PHACTR1: variants seen among roughly 807,000 people sequenced by gnomAD.
PHACTR1 encodes phosphatase and actin regulator 1, also known as RPEL repeat containing 1.
Under a neutral mutation model 69.2 loss-of-function variants are expected in PHACTR1, and 16 were observed. The ratio of observed to expected loss-of-function variants is 0.23; its 90% CI spans 0.16 to 0.35. The LOEUF (loss-of-function observed/expected upper bound fraction) is 0.35. PHACTR1 is among the 10% of genes least tolerant of loss of function. The pLI is 1.00. For synonymous variants in PHACTR1, 312 were observed against 284.5 expected, an observed-to-expected ratio of 1.10 and a Z score of -0.97; for missense variants, 510 against 734.7, an observed-to-expected ratio of 0.69 and a Z score of 3.54.
At chr6:12,941,137 C>T (rs766419179) in intron 4 of PHACTR1, among the ~76,000 whole-genome samples, 3 of 152,128 alleles carry the variant, frequency 2.0e-5, no homozygotes, top group Admixed American at 6.5e-5. Flanking sequence ...GCACTCCACT[C>T]ACCTTTGTAG....
At chr6:12,956,028 T>G (rs2127559136) in intron 4 of PHACTR1, among the ~76,000 whole-genome samples, 1 of 152,298 alleles carries the variant, frequency 6.6e-6, no homozygotes, top group Admixed American at 6.5e-5. Context: ...CTAACATTAC[T>G]TACAATAGTG....
chr6:12,973,107 CA>C (rs1794434553), intron 4 of PHACTR1, among the ~76,000 whole-genome samples: 1 of 152,118 alleles, frequency 6.6e-6, no homozygotes, highest in Non-Finnish European at 1.5e-5. Context: ...ATTACAGCTG[CA>C]AAGTCCTTCT....
At chr6:12,835,714 A>G (rs193271610) in intron 4 of PHACTR1, among the ~76,000 whole-genome samples, 23 of 152,268 alleles carry the variant, frequency 1.5e-4, no homozygotes, top group African/African-American at 5.5e-4. Flanking sequence ...TATGTTATCA[A>G]CACCCTTTAA....
At chr6:12,821,907 C>A (rs796363514) in intron 4 of PHACTR1, among the ~76,000 whole-genome samples, 1 of 152,280 alleles carries the variant, frequency 6.6e-6, no homozygotes, top group East Asian at 1.9e-4. Context: ...GGCTTGACTG[C>A]GTCTTTGTAC....
intron 4 of PHACTR1, among the ~76,000 whole-genome samples, chr6:12,875,680 T>C (rs556532289): frequency 1.6e-4 from 25 of 152,366 alleles, no homozygotes; most frequent in African/African-American, 6.0e-4. Context: ...ATCACTATTG[T>C]GGAGATTTGT....
chr6:12,814,971 A>C (rs1444288172), intron 4 of PHACTR1, among the ~76,000 whole-genome samples: 1 of 152,194 alleles, frequency 6.6e-6, no homozygotes, highest in Admixed American at 6.5e-5. Context: ...AATGAAGACT[A>C]ATTTTGAGCT....
chr6:13,248,481 A>G (rs886314852), intron 10 of PHACTR1, among the ~76,000 whole-genome samples: 12 of 152,202 alleles, frequency 7.9e-5, no homozygotes, highest in Non-Finnish European at 1.8e-4. Context: ...ATAAAATTCT[A>G]TGGAACATGT....
intron 4 of PHACTR1, among the ~76,000 whole-genome samples, chr6:13,039,936 G>A (rs1803897694): frequency 6.6e-6 from 1 of 152,102 alleles, no homozygotes; most frequent in South Asian, 2.1e-4. Context: ...TGATGCTTTT[G>A]CATTAAATAA....
chr6:13,207,574 A>G (rs1357913268), intron 8 of PHACTR1, among the ~76,000 whole-genome samples: 2 of 151,932 alleles, frequency 1.3e-5, no homozygotes, highest in Non-Finnish European at 1.5e-5. Flanking sequence ...TTGATTGTGT[A>G]TACACACATG....
At chr6:13,083,886 T>G (rs1206907989) in intron 5 of PHACTR1, among the ~76,000 whole-genome samples, 2 of 152,180 alleles carry the variant, frequency 1.3e-5, no homozygotes, top group Non-Finnish European at 2.9e-5. Context: ...TCATGTCATC[T>G]GCAAACAGGG....
intron 5 of PHACTR1, among the ~76,000 whole-genome samples, chr6:13,064,824 C>T (rs1188431682): frequency 6.6e-6 from 1 of 150,624 alleles, no homozygotes; most frequent in Non-Finnish European, 1.5e-5. Context: ...TCAAGGAACG[C>T]AAAAAGTCAA....
At chr6:13,216,704 T>C (rs1562010027) in intron 8 of PHACTR1, among the ~76,000 whole-genome samples, 1 of 152,210 alleles carries the variant, frequency 6.6e-6, no homozygotes, top group Admixed American at 6.5e-5. Context: ...ATATTTATCA[T>C]CTTTAATTGC....
intron 5 of PHACTR1, among the ~76,000 whole-genome samples, chr6:13,157,982 A>G (rs150448759): frequency 6.6e-6 from 1 of 152,134 alleles, no homozygotes; most frequent in African/African-American, 2.4e-5. Flanking sequence ...CCCGGGTTCA[A>G]GCAATCCTCC....
At chr6:12,836,350 T>C (rs184296417) in intron 4 of PHACTR1, among the ~76,000 whole-genome samples, 1 of 152,322 alleles carries the variant, frequency 6.6e-6, no homozygotes, top group Admixed American at 6.5e-5. Context: ...TTACCTGAAT[T>C]CTTTTGGTGG....
chr6:13,189,957 C>T (rs1763296006), intron 7 of PHACTR1, among the ~76,000 whole-genome samples: 2 of 151,150 alleles, frequency 1.3e-5, no homozygotes, highest in South Asian at 4.2e-4. Context: ...GGCTTGTAGA[C>T]AGCTCCCTTC....
At chr6:12,950,114 G>T (rs1791117228) in intron 4 of PHACTR1, among the ~76,000 whole-genome samples, 1 of 152,206 alleles carries the variant, frequency 6.6e-6, no homozygotes, top group Admixed American at 6.5e-5. Flanking sequence ...GGATTTGGGA[G>T]GACTCACCTG....
At chr6:12,792,142 A>G (rs1772360999) in intron 4 of PHACTR1, among the ~76,000 whole-genome samples, 1 of 152,166 alleles carries the variant, frequency 6.6e-6, no homozygotes, top group Non-Finnish European at 1.5e-5. Context: ...TTATATATCA[A>G]TGCAATTGCA....
At chr6:12,968,543 T>C (rs1434602335) in intron 4 of PHACTR1, among the ~76,000 whole-genome samples, 2 of 152,170 alleles carry the variant, frequency 1.3e-5, no homozygotes, top group Non-Finnish European at 2.9e-5. Flanking sequence ...CGTTAAACAA[T>C]AACTTTTCAT....
chr6:13,199,316 G>A (rs1764857350), intron 7 of PHACTR1, among the ~76,000 whole-genome samples: 1 of 150,508 alleles, frequency 6.6e-6, no homozygotes, highest in Admixed American at 6.6e-5. Context: ...CCTGGGAGGT[G>A]GAGGTTGCAG....
Sources: gnomAD v4.1 joint callset for allele counts (sites outside exome capture counted in the v4.1 genomes callset) on GRCh38, gnomAD v4.1.1 for gene constraint, MANE v1.5 for transcripts, NCBI Gene and HGNC (gene_info 2026-07-23, HGNC 2026-07-21) for gene names.